The following ADGRF4 variants were observed in gnomAD, a reference collection of about 807,000 sequenced individuals.
ADGRF4 encodes adhesion G protein-coupled receptor F4, also known as G-protein coupled receptor PGR18.
ADGRF4 carries 63 observed loss-of-function variants against 58.5 expected under a neutral mutation model. The observed-to-expected ratio is 1.08, with a 90% CI of 0.88 to 1.33. ADGRF4 has a LOEUF of 1.33. ADGRF4 is among the 40% of genes most tolerant of loss of function. The probability of loss-of-function intolerance (pLI) is 0.00; values close to 1 mark genes in which losing one functional copy is unlikely to be tolerated. For synonymous variants in ADGRF4, 313 were observed against 295.4 expected, an observed-to-expected ratio of 1.06 and a Z score of -0.61; for missense variants, 931 against 843.9, an observed-to-expected ratio of 1.10 and a Z score of -1.28.
At chr6:47,702,724 G>T (rs1202539308) in intron 1 of ADGRF4, among the ~76,000 whole-genome samples, 1 of 152,194 alleles carries the variant, frequency 6.6e-6, no homozygotes, top group African/African-American at 2.4e-5. Context: ...TACACAGAGG[G>T]TTTATAAAGA....
intron 1 of ADGRF4, among the ~76,000 whole-genome samples, chr6:47,699,889 A>AAC (rs962655415): frequency 4.9e-5 from 6 of 123,068 alleles, no homozygotes; most frequent in Non-Finnish European, 7.4e-5. Context: ...TTAGGGGAAC[A>AAC]ACACACACAC....
chr6:47,713,651 T>C, intron 5 of ADGRF4, 147 bp from the exon 6 acceptor site: 1 of 566,858 alleles, frequency 1.8e-6, no homozygotes, highest in Non-Finnish European at 3.0e-6. Context: ...GCCTTACTAA[T>C]GTGGATTCTA....
At chr6:47,716,740 T>A in intron 6 of ADGRF4, 66 bp from the exon 7 acceptor site, 1 of 1,215,876 alleles carries the variant, frequency 8.2e-7, no homozygotes, top group East Asian at 2.3e-5. Flanking sequence ...AAGAGCGGTA[T>A]GAAAATAACA....
At position 47,716,802 on chromosome 6, in the gene ADGRF4, A is replaced by G. The variant is rs749751382; in HGVS notation, c.1933-4A>G. On this transcript the variant is annotated splice_polypyrimidine_tract_variant and splice_region_variant and intron_variant, in intron 6 of 9. Transcript: ENST00000283303. ...CCTCATGAATCTGTTCAATTTTGCC[A>G]CAGGGTTTTTTCATCCTGCTGTTTG... 65 of 1,600,274 alleles carry G rather than the reference A, an allele frequency of 4.1e-5. No homozygotes were observed. The highest frequency in any genetic ancestry group is 6.0e-6 in the Non-Finnish European group (7 of 1,172,726).
intron 8 of ADGRF4, 144 bp from the exon 9 acceptor site, chr6:47,718,245 T>G: frequency 1.7e-6 from 1 of 600,452 alleles, no homozygotes; most frequent in Non-Finnish European, 3.0e-6. Context: ...TTCAGTGAAA[T>G]ATGATAATTT....
At chr6:47,711,112 C>CA (rs35782783) in intron 4 of ADGRF4, among the ~76,000 whole-genome samples, 57 of 146,016 alleles carry the variant, frequency 3.9e-4, no homozygotes, top group African/African-American at 9.3e-4. Flanking sequence ...AAACTTTTCT[C>CA]AAAAAAAAAA....
intron 9 of ADGRF4, among the ~76,000 whole-genome samples, chr6:47,719,010 G>A (rs1772097381): frequency 6.6e-6 from 1 of 152,194 alleles, no homozygotes; most frequent in Non-Finnish European, 1.5e-5. Context: ...ATGTGGGCAG[G>A]GATGATCAAC....
At chr6:47,699,788 A>G (rs1166533554) in intron 1 of ADGRF4, among the ~76,000 whole-genome samples, 1 of 152,206 alleles carries the variant, frequency 6.6e-6, no homozygotes, top group African/African-American at 2.4e-5. Flanking sequence ...TGGGTCTTAA[A>G]CACATAAACA....
At chr6:47,700,123 A>G (rs1771558475) in intron 1 of ADGRF4, among the ~76,000 whole-genome samples, 1 of 152,162 alleles carries the variant, frequency 6.6e-6, no homozygotes, top group South Asian at 2.1e-4. Flanking sequence ...CGGGGAGAGG[A>G]ACCCTTTGGG....
intron 3 of ADGRF4, 68 bp from the exon 4 acceptor site, chr6:47,710,667 C>T (rs1771837926): frequency 6.8e-6 from 10 of 1,465,174 alleles, no homozygotes; most frequent in African/African-American, 5.7e-5. Flanking sequence ...GAATTTGATG[C>T]ACCTGTCAAA....
chr6:47,706,070 C>T (rs1208250305), intron 1 of ADGRF4, among the ~76,000 whole-genome samples: 1 of 152,196 alleles, frequency 6.6e-6, no homozygotes, highest in Non-Finnish European at 1.5e-5. Context: ...CCATAGTAGA[C>T]ATCAGATTAT....
In ADGRF4 at chr6:47,712,365, T is replaced by C. The variant is rs754873291; in HGVS notation, c.309T>C (p.Thr103=). ...ACATTTGTTTTAAACAGGACTCAAC[T>C]GGTGCATCTCGCCTTTCTGTAGCAG... The part of the protein sequence containing the change: ...LSVEKLFKDS[T]GASRLSVAAP... The change falls in exon 5 of 10, where the codon ACT becomes ACC. Residue 103 remains threonine, a synonymous_variant. Transcript: ENST00000283303. The C allele has an allele frequency of 2.1e-5, 34 of 1,613,916 alleles. No homozygotes were observed. The highest frequency in any genetic ancestry group is 2.9e-5 in the Non-Finnish European group (34 of 1,179,918).
chr6:47,713,006 C>T (rs952382070), intron 5 of ADGRF4, among the ~76,000 whole-genome samples: 13 of 152,160 alleles, frequency 8.5e-5, no homozygotes, highest in African/African-American at 2.9e-4. Context: ...CGAACATTAT[C>T]ACCTGGGCTC....
Position 47,714,049 on chromosome 6 carries a change from T to C in ADGRF4, c.804T>C (p.Asp268=), listed in dbSNP as rs1437410754. ...FSMSMNNTTE[D]ILGMVQIPRQ... ...TGAGCATGAACAATACCACAGAAGA[T>C]ATCTTAGGAATGGTACAGATTCCCA... The change falls in exon 6 of 10, where the codon GAT becomes GAC. Residue 268 remains aspartate, a synonymous_variant. Coordinates refer to ENST00000283303, the MANE Select transcript of ADGRF4 (RefSeq NM_153838.5). 6.2e-7 allele frequency: 1 copy of C among 1,613,486 alleles called. No individual in the cohort carries two copies.
Position 47,712,574 on chromosome 6 carries a change from ACT to A in ADGRF4, c.519_520del (p.Leu174ValfsTer2). On this transcript the variant is annotated frameshift_variant, in exon 5 of 10. Coordinates refer to ENST00000283303, the MANE Select transcript of ADGRF4 (RefSeq NM_153838.5). LOFTEE classifies it high-confidence loss of function. The stretch of plus-strand genomic sequence containing the variant: ...GAGTTATTAAAAAATATTTCTACAG[ACT>A]TGTCTGATAATGTTACTCGAGAGAA... The A allele has an allele frequency of 6.3e-7, 1 of 1,587,428 alleles. No homozygotes were observed. The highest frequency in any genetic ancestry group is 8.7e-7 in the Non-Finnish European group (1 of 1,155,702).
chr6:47,705,419 C>A (rs1163305122), intron 1 of ADGRF4, among the ~76,000 whole-genome samples: 2 of 152,184 alleles, frequency 1.3e-5, no homozygotes, highest in Admixed American at 1.3e-4. Flanking sequence ...TTTCTACCCA[C>A]ACTGTAAGAT....
In ADGRF4 at chr6:47,716,993, A is replaced by T. The variant is rs1442016462; in HGVS notation, c.1974+146A>T. ...AGGAATCAGCTGTGAAAAGAAAAAA[A>T]AAACACACCAATATTCTGTCATTTC... On this transcript the variant is annotated intron_variant, in intron 7 of 9. Transcript: ENST00000283303. 6.1e-6 allele frequency: 4 copies of T among 653,050 alleles called. No individual in the cohort carries two copies. The African/African-American group carries it at 7.3e-5, about 12-fold the overall frequency. The allele number at this position is 653,050 out of a possible 1,614,324, so 40.5% of individuals were successfully genotyped here.
chr6:47,710,673 T>C lies in ADGRF4; in HGVS notation c.149-62T>C. The C allele has an allele frequency of 2.7e-6, 4 of 1,504,738 alleles. No individual in the cohort carries two copies. The South Asian group carries it at 4.0e-5, about 15-fold the overall frequency. 93.2% of individuals were successfully genotyped at this position (1,504,738 alleles called of 1,614,324 possible). ...CTCCAGAATGAATTTGATGCACCTG[T>C]CAAAATGTGGAAATCCTAATTGGGC... On this transcript the variant is annotated intron_variant, in intron 3 of 9. Coordinates refer to ENST00000283303, the MANE Select transcript of ADGRF4 (RefSeq NM_153838.5).
intron 1 of ADGRF4, among the ~76,000 whole-genome samples, chr6:47,701,150 G>A (rs943520677): frequency 6.6e-6 from 1 of 152,010 alleles, no homozygotes; most frequent in African/African-American, 2.4e-5. Context: ...GTAACTCTCT[G>A]AGGCCAGCAA....
Sources: allele counts gnomAD v4.1 joint callset (sites outside exome capture counted in the v4.1 genomes callset), GRCh38; gene constraint gnomAD v4.1.1; transcripts MANE v1.5; gene names NCBI Gene and HGNC (gene_info 2026-07-23, HGNC 2026-07-21).